The following CDH8 variants were observed in gnomAD, a reference collection of about 807,000 sequenced individuals.
CDH8 encodes the protein cadherin-8.
CDH8 carries 17 observed loss-of-function variants against 68.1 expected under a neutral mutation model. The observed-to-expected ratio is 0.25, with a 90% CI of 0.17 to 0.37. CDH8 has a LOEUF of 0.37. Among genes scored for constraint, CDH8 ranks in the 10% least tolerant of loss-of-function variants. CDH8 has a pLI of 1.00. For missense variants in CDH8, 763 were observed against 999.3 expected, an observed-to-expected ratio of 0.76 and a Z score of 3.19; for synonymous variants, 372 against 365.1, an observed-to-expected ratio of 1.02 and a Z score of -0.21.
In CDH8 at chr16:61,908,959, A is replaced by G. The variant is rs570513864; in HGVS notation, c.253-7486T>C. On this transcript the variant is annotated intron_variant, in intron 2 of 11. Transcript: ENST00000577390. ...AAAAATATTTCTGTGAAATAAAAAC[A>G]CTTCTCAAGGTAATTCTCATATTAT... 6.6e-5 allele frequency among the ~76,000 whole-genome samples: 10 copies of G among 152,206 alleles called. No homozygotes were observed. The East Asian group carries it at 1.9e-3, about 29-fold the overall frequency.
At chr16:61,684,344 T>G (rs963781549) in intron 10 of CDH8, among the ~76,000 whole-genome samples, 1 of 151,982 alleles carries the variant, frequency 6.6e-6, no homozygotes, top group African/African-American at 2.4e-5. Context: ...TTATTCACTC[T>G]CATTCATTCA....
At chr16:61,890,653 C>G (rs76019676) in intron 3 of CDH8, among the ~76,000 whole-genome samples, 3,186 of 152,030 alleles carry the variant, frequency 0.021, 107 homozygotes, top group African/African-American at 0.072. Context: ...TTTTGTAATT[C>G]CTTCAAATAT....
intron 9 of CDH8, among the ~76,000 whole-genome samples, chr16:61,723,352 C>G (rs1046258514): frequency 1.3e-5 from 2 of 150,650 alleles, no homozygotes; most frequent in Admixed American, 1.3e-4. Flanking sequence ...ACCTGTTCCT[C>G]CACTCGTCCA....
intron 11 of CDH8, 60 bp from the exon 12 acceptor site, chr16:61,654,161 C>T: frequency 1.3e-6 from 2 of 1,494,598 alleles, no homozygotes; most frequent in South Asian, 2.5e-5. Flanking sequence ...ACAAGCAACA[C>T]ACTATATATG....
chr16:61,763,790 G>A (rs958542110), intron 8 of CDH8, among the ~76,000 whole-genome samples: 1 of 152,082 alleles, frequency 6.6e-6, no homozygotes, highest in Non-Finnish European at 1.5e-5. Context: ...ACTGGAAAAT[G>A]TTTCAAAGCT....
At chr16:61,960,410 T>C (rs76260030) in intron 2 of CDH8, among the ~76,000 whole-genome samples, 4 of 130,970 alleles carry the variant, frequency 3.1e-5, no homozygotes, top group Non-Finnish European at 6.5e-5. Context: ...TATATACATA[T>C]ATGTGTGTGT....
chr16:61,821,838 A>G (rs1414837648), intron 5 of CDH8, among the ~76,000 whole-genome samples: 2 of 151,998 alleles, frequency 1.3e-5, no homozygotes, highest in Non-Finnish European at 2.9e-5. Context: ...GCTGTCACTC[A>G]CTTTCACTGG....
At position 61,689,287 on chromosome 16, in the gene CDH8, A is replaced by G. The variant is rs1458620086; in HGVS notation, c.1654+24554T>C. ...TGTCATCTTGGAAAAGATCTCTCGC[A>G]ATCACTCAGGTATTTACACATGTAA... On this transcript the variant is annotated intron_variant, in intron 10 of 11. Coordinates refer to ENST00000577390, the MANE Select transcript of CDH8 (RefSeq NM_001796.5). Among the ~76,000 whole-genome samples, 3 of 152,058 alleles carry G rather than the reference A, an allele frequency of 2.0e-5. No homozygotes were observed. In the East Asian group the frequency reaches 5.8e-4, roughly 29 times the overall value.
rs1413367001 is a variant in CDH8, at chr16:62,010,100, C to T, written c.252+11052G>A. Among the ~76,000 whole-genome samples the T allele has an allele frequency of 6.6e-5, 10 of 152,162 alleles. No individual in the cohort carries two copies. The East Asian group carries it at 1.5e-3, about 23-fold the overall frequency. Reference sequence around the variant, plus strand: ...ATAAATAAAACAGAGCCAGCACAGGCATAATCTTCAAGGACATTTTTCTTT... The same window carrying T: ...ATAAATAAAACAGAGCCAGCACAGGTATAATCTTCAAGGACATTTTTCTTT... On this transcript the variant is annotated intron_variant, in intron 2 of 11. Coordinates refer to ENST00000577390, the MANE Select transcript of CDH8 (RefSeq NM_001796.5).
chr16:61,742,577 T>G (rs1034715013), intron 8 of CDH8, among the ~76,000 whole-genome samples: 1 of 152,212 alleles, frequency 6.6e-6, no homozygotes, highest in African/African-American at 2.4e-5. Context: ...TAACTTTTTC[T>G]GCATCTATAA....
chr16:61,856,990 G>A (rs546688048), intron 4 of CDH8, 129 bp downstream of exon 4: 14 of 1,054,122 alleles, frequency 1.3e-5, no homozygotes, highest in South Asian at 4.0e-5. Context: ...ACCTCATGTC[G>A]CATATTCAAA....
chr16:61,951,395 C>T (rs1254729019), intron 2 of CDH8, among the ~76,000 whole-genome samples: 1 of 151,602 alleles, frequency 6.6e-6, no homozygotes, highest in Non-Finnish European at 1.5e-5. Context: ...CGCCTATAGT[C>T]CCAGCTACTT....
intron 2 of CDH8, among the ~76,000 whole-genome samples, chr16:61,965,404 C>T (rs1965229810): frequency 6.6e-6 from 1 of 152,152 alleles, no homozygotes; most frequent in East Asian, 1.9e-4. Flanking sequence ...CAGTATCCAA[C>T]ACAGGGCCAG....
intron 10 of CDH8, among the ~76,000 whole-genome samples, chr16:61,678,507 C>A (rs11641508): frequency 0.16 from 23,973 of 151,926 alleles, 2,058 homozygotes; most frequent in African/African-American, 0.21. Flanking sequence ...TTGTCCCTGA[C>A]GCCCTAAAGC....
At chr16:61,706,213 A>G (rs1471934387) in intron 10 of CDH8, among the ~76,000 whole-genome samples, 1 of 152,226 alleles carries the variant, frequency 6.6e-6, no homozygotes, top group Non-Finnish European at 1.5e-5. Flanking sequence ...CTGCCCATAG[A>G]TAAGGGAAGC....
intron 3 of CDH8, among the ~76,000 whole-genome samples, chr16:61,877,413 G>T (rs1393510198): frequency 2.0e-5 from 3 of 151,722 alleles, no homozygotes; most frequent in African/African-American, 7.3e-5. Context: ...CTCCATTTTT[G>T]CCAAGATAAT....
intron 3 of CDH8, among the ~76,000 whole-genome samples, chr16:61,898,027 C>T (rs537505665): frequency 1.2e-4 from 19 of 152,110 alleles, no homozygotes; most frequent in Admixed American, 5.9e-4. Context: ...TTGGGCCAGG[C>T]GCGGTGGTTC....
intron 3 of CDH8, among the ~76,000 whole-genome samples, chr16:61,899,645 C>T (rs1049897209): frequency 7.2e-5 from 11 of 151,864 alleles, no homozygotes; most frequent in African/African-American, 1.9e-4. Flanking sequence ...TTAAGGAGTA[C>T]GCGACAAAAT....
chr16:61,788,474 C>A (rs1961292608), intron 8 of CDH8, among the ~76,000 whole-genome samples: 1 of 152,028 alleles, frequency 6.6e-6, no homozygotes, highest in South Asian at 2.1e-4. Context: ...TGCACAACTT[C>A]AAAGTCCTTT....
Sources: gnomAD v4.1 joint callset for allele counts (sites outside exome capture counted in the v4.1 genomes callset) on GRCh38, gnomAD v4.1.1 for gene constraint, MANE v1.5 for transcripts, NCBI Gene and HGNC (gene_info 2026-07-23, HGNC 2026-07-21) for gene names.